PTPRQ: variants seen among roughly 807,000 people sequenced by gnomAD.
PTPRQ encodes the protein protein tyrosine phosphatase receptor type Q.
A neutral mutation model predicts 246.0 loss-of-function variants in PTPRQ; 199 were observed. The ratio of observed to expected loss-of-function variants is 0.81; its 90% CI spans 0.72 to 0.91. The LOEUF (loss-of-function observed/expected upper bound fraction) is 0.91, where lower values mean the gene tolerates loss of function less well. Ranked by LOEUF, PTPRQ falls within the 40% of genes least tolerant of loss-of-function variation. The pLI is 0.00. For missense variants in PTPRQ, 2,624 were observed against 2,528.4 expected (o/e 1.04, Z -0.81); for synonymous variants, 869 against 853.2 (o/e 1.02, Z -0.32).
rs764030443 is a variant in PTPRQ, at chr12:80,444,869, T to G, written c.163+20T>G. On this transcript the variant is annotated intron_variant, in intron 2 of 44. Transcript: ENST00000644991. ...TAACAAGTGAGTATATGTTTTAAAT[T>G]ACTTTGTAAGTAAAGTATTTGGAGT... 2.7e-6 allele frequency: 4 copies of G among 1,500,322 alleles called. No homozygotes were observed. The highest frequency in any genetic ancestry group is 3.6e-6 in the Non-Finnish European group (4 of 1,116,748). 92.9% of individuals were successfully genotyped at this position (1,500,322 alleles called of 1,614,324 possible).
rs1448916165 is a variant in PTPRQ, at chr12:80,649,620, T to C, written c.5975T>C (p.Val1992Ala). ...AGCAAGAAATCCTTCCTGCAACATG[T>C]TGAAGAGCTTTGCACAAACAACAAC... ...PISKKSFLQHVEELCTNNNLK... is the reference protein window; with the variant it reads ...PISKKSFLQHAEELCTNNNLK... The change falls in exon 37 of 45, where the codon GTT becomes GCT. Residue 1992 changes from valine to alanine, a missense_variant. Val to Ala is a moderately conservative substitution (Grantham distance 64). Coordinates refer to ENST00000644991, the MANE Select transcript of PTPRQ (RefSeq NM_001145026.2). 1 of 1,549,984 alleles carries C rather than the reference T, an allele frequency of 6.5e-7. No individual in the cohort carries two copies. The highest frequency in any genetic ancestry group is 8.7e-7 in the Non-Finnish European group (1 of 1,145,904).
chr12:80,649,107 G>A (rs1268770860), intron 36 of PTPRQ, among the ~76,000 whole-genome samples, 184 bp downstream of exon 36: 2 of 152,016 alleles, frequency 1.3e-5, no homozygotes, highest in African/African-American at 4.8e-5. Flanking sequence ...CTCTCTCTGG[G>A]GTGAAGCCTG....
At chr12:80,673,445 T>C (rs575058689) in intron 43 of PTPRQ, 141 bp downstream of exon 43, 1 of 1,309,718 alleles carries the variant, frequency 7.6e-7, no homozygotes, top group African/African-American at 1.5e-5. Context: ...TGGGGAGGAT[T>C]CGGGAGGGCA....
intron 6 of PTPRQ, chr12:80,465,375 C>T (rs1477347763): frequency 6.6e-6 from 1 of 152,336 alleles, no homozygotes; most frequent in East Asian, 1.9e-4. Flanking sequence ...AGCTTACCAA[C>T]CAAAAAGAGT....
chr12:80,619,587 A>T, intron 31 of PTPRQ, 45 bp downstream of exon 31: 1 of 1,394,112 alleles, frequency 7.2e-7, no homozygotes, highest in Non-Finnish European at 9.4e-7. Context: ...TGGAGTGTAG[A>T]TTACTGAGTG....
intron 44 of PTPRQ, 106 bp from the exon 45 acceptor site, chr12:80,678,880 G>T: frequency 7.0e-7 from 1 of 1,437,848 alleles, no homozygotes; most frequent in South Asian, 1.6e-5. Context: ...ATCCAAGTTG[G>T]GCTAATAATA....
chr12:80,449,777 AG>A (rs1892686812), intron 3 of PTPRQ, among the ~76,000 whole-genome samples: 1 of 152,202 alleles, frequency 6.6e-6, no homozygotes, highest in Non-Finnish European at 1.5e-5. Flanking sequence ...TGGTTACTGT[AG>A]CCTTATAGTA....
Position 80,652,828 on chromosome 12 carries a change from A to G in PTPRQ, c.6109A>G (p.Lys2037Glu). The change falls in exon 38 of 45, where the codon AAA (lysine) becomes GAA (glutamate). Residue 2037 changes from lysine to glutamate, a missense_variant. Transcript: ENST00000644991. The part of the protein sequence containing the change: ...NRAKNRFPNI[K>E]PYNNNRVKLI... ...AGCAAAAAACCGCTTCCCAAACATA[A>G]AACCATGTATGTGCATTTGTTGGTT... 6.7e-7 allele frequency: 1 copy of G among 1,501,686 alleles called. No homozygotes were observed. Among genetic ancestry groups the G allele is most frequent in the African/African-American group, 1.4e-5 (1 of 70,712 alleles). 93.0% of individuals were successfully genotyped at this position (1,501,686 alleles called of 1,614,324 possible).
intron 33 of PTPRQ, among the ~76,000 whole-genome samples, chr12:80,625,324 C>T (rs1173435026): frequency 7.1e-6 from 1 of 140,036 alleles, no homozygotes; most frequent in African/African-American, 2.8e-5. Context: ...CATATGTGTG[C>T]ATGTAATCCC....
intron 6 of PTPRQ, among the ~76,000 whole-genome samples, chr12:80,461,574 G>A (rs1185709533): frequency 6.6e-6 from 1 of 150,596 alleles, no homozygotes; most frequent in Non-Finnish European, 1.5e-5. Context: ...AAATTTAAGG[G>A]ATATTGATAT....
At chr12:80,527,726 C>A (rs569391353) in intron 17 of PTPRQ, among the ~76,000 whole-genome samples, 1 of 152,256 alleles carries the variant, frequency 6.6e-6, no homozygotes, top group South Asian at 2.1e-4. Flanking sequence ...TAAGAGATAT[C>A]TTTAATCTCA....
At chr12:80,614,141 C>T (rs1592718138) in intron 29 of PTPRQ, among the ~76,000 whole-genome samples, 1 of 150,462 alleles carries the variant, frequency 6.6e-6, no homozygotes, top group Admixed American at 6.7e-5. Context: ...AAAGAGATAA[C>T]TCTGCCTAAA....
rs1385869175 is a variant in PTPRQ at position 80,664,125 on chromosome 12, A to C, written c.6193-4882A>C. On this transcript the variant is annotated intron_variant, in intron 39 of 44. Coordinates refer to ENST00000644991, the MANE Select transcript of PTPRQ (RefSeq NM_001145026.2). ...TGTTACTAGAAGTGTATTGGAGAAA[A>C]ATTCATGATCACGCCAAAATATCTC... Among the ~76,000 whole-genome samples, 3 of 151,860 alleles carry C rather than the reference A, an allele frequency of 2.0e-5. No individual in the cohort carries two copies. In the East Asian group the frequency reaches 5.8e-4, roughly 29 times the overall value.
At chr12:80,506,829 C>A (rs551336965) in intron 16 of PTPRQ, among the ~76,000 whole-genome samples, 159 bp downstream of exon 16, 5 of 151,910 alleles carry the variant, frequency 3.3e-5, no homozygotes, top group Non-Finnish European at 7.4e-5. Flanking sequence ...ATAAAAGAAG[C>A]TAGCAACATC....
intron 18 of PTPRQ, among the ~76,000 whole-genome samples, chr12:80,534,436 A>G (rs968426627): frequency 7.9e-5 from 12 of 152,038 alleles, no homozygotes; most frequent in African/African-American, 2.9e-4. Flanking sequence ...ATAAGTTTAT[A>G]TTTTTAAAAG....
rs576046555 is a variant in PTPRQ, at chr12:80,665,032, G to A, written c.6193-3975G>A. On this transcript the variant is annotated intron_variant, in intron 39 of 44. Transcript: ENST00000644991. Reference sequence around the variant, plus strand: ...GAGTGTTGACTCACACAATCACAAGGTGAAGCCCCAAAATAGGCCATCTGC... The same window carrying A: ...GAGTGTTGACTCACACAATCACAAGATGAAGCCCCAAAATAGGCCATCTGC... 2.0e-5 allele frequency among the ~76,000 whole-genome samples: 3 copies of A among 152,076 alleles called. No homozygotes were observed. In the South Asian group the frequency reaches 6.2e-4, roughly 31 times the overall value.
intron 8 of PTPRQ, among the ~76,000 whole-genome samples, chr12:80,480,625 A>C (rs1894009411): frequency 6.6e-6 from 1 of 151,994 alleles, no homozygotes; most frequent in African/African-American, 2.4e-5. Context: ...ATAGACCACT[A>C]GCAAGACTAA....
intron 35 of PTPRQ, among the ~76,000 whole-genome samples, chr12:80,642,930 A>AC (rs762225042): frequency 0.18 from 26,226 of 143,754 alleles, 5,196 homozygotes; most frequent in African/African-American, 0.44. Context: ...AAAAAAAAAA[A>AC]AAAAAAAAAA....
intron 19 of PTPRQ, among the ~76,000 whole-genome samples, chr12:80,537,923 CA>C (rs1010704519): frequency 7.9e-5 from 12 of 152,150 alleles, no homozygotes; most frequent in African/African-American, 2.9e-4. Flanking sequence ...TCCTGGCTAA[CA>C]AGGTGAAACC....
Sources: allele counts gnomAD v4.1 joint callset (sites outside exome capture counted in the v4.1 genomes callset), GRCh38; gene constraint gnomAD v4.1.1; transcripts MANE v1.5; gene names NCBI Gene and HGNC (gene_info 2026-07-23, HGNC 2026-07-21).